Variants in DLGAP2 observed in about 807,000 individuals in gnomAD.
DLGAP2 encodes the protein disks large-associated protein 2.
DLGAP2 carries 26 observed loss-of-function variants against 100.3 expected under a neutral mutation model. The observed-to-expected ratio is 0.26, with a 90% CI of 0.19 to 0.36. The LOEUF (loss-of-function observed/expected upper bound fraction) is 0.36, where lower values mean the gene tolerates loss of function less well. DLGAP2 is among the 10% of genes least tolerant of loss of function. The pLI is 1.00. For missense variants in DLGAP2, 1,858 were observed against 1,453.2 expected (o/e 1.28, Z -4.53); for synonymous variants, 886 against 630.1 (o/e 1.41, Z -6.08).
At chr8:1,131,857 C>T (rs556475133) in intron 2 of DLGAP2, among the ~76,000 whole-genome samples, 9 of 152,240 alleles carry the variant, frequency 5.9e-5, no homozygotes, top group East Asian at 1.9e-4. Flanking sequence ...GAAATGGTCC[C>T]GTTTTTCAAT....
intron 10 of DLGAP2, among the ~76,000 whole-genome samples, chr8:1,675,037 C>T (rs1020124674): frequency 1.3e-5 from 2 of 152,218 alleles, no homozygotes; most frequent in African/African-American, 4.8e-5. Context: ...GATCTTCACT[C>T]AAGAATGTTC....
chr8:1,656,515 C>T (rs1245037657), intron 8 of DLGAP2, among the ~76,000 whole-genome samples: 1 of 152,194 alleles, frequency 6.6e-6, no homozygotes, highest in Non-Finnish European at 1.5e-5. Context: ...CCCCTTCTGA[C>T]AGTCCTTTTG....
intron 3 of DLGAP2, among the ~76,000 whole-genome samples, chr8:1,316,214 G>T (rs1435777940): frequency 8.1e-6 from 1 of 123,188 alleles, no homozygotes; most frequent in African/African-American, 3.0e-5. Flanking sequence ...CGAGTGCAGC[G>T]TCTCTCCAAC....
intron 4 of DLGAP2, among the ~76,000 whole-genome samples, chr8:1,532,913 C>T (rs763272085): frequency 2.3e-4 from 35 of 152,166 alleles, no homozygotes; most frequent in Non-Finnish European, 3.8e-4. Context: ...GGCTGCCTTT[C>T]CACCTGCCGA....
Position 1,633,811 on chromosome 8 carries a change from C to G in DLGAP2, c.1810+765C>G, listed in dbSNP as rs376209677. On this transcript the variant is annotated intron_variant, in intron 8 of 14. Transcript: ENST00000637795. ...TCTGAATACCAGAGGGCTTGGAATG[C>G]TGCAGCTGTATCTTAGAAATTTAAA... 3.3e-4 allele frequency among the ~76,000 whole-genome samples: 51 copies of G among 152,300 alleles called. 1 individual carries two copies. The South Asian group carries it at 0.011, about 32-fold the overall frequency.
chr8:1,425,740 C>T (rs144571135), intron 3 of DLGAP2, among the ~76,000 whole-genome samples: 108 of 152,180 alleles, frequency 7.1e-4, no homozygotes, highest in Middle Eastern at 6.8e-3. Context: ...AAGATAAGGA[C>T]GTCTGTGCAC....
At chr8:926,825 C>T (rs1014186398) in intron 2 of DLGAP2, among the ~76,000 whole-genome samples, 15 of 152,256 alleles carry the variant, frequency 9.9e-5, no homozygotes, top group Admixed American at 4.6e-4. Flanking sequence ...TGCCCTCCTC[C>T]GGCAAGGACG....
chr8:1,179,006 G>A (rs1412758391), intron 2 of DLGAP2, among the ~76,000 whole-genome samples: 1 of 152,118 alleles, frequency 6.6e-6, no homozygotes, highest in East Asian at 1.9e-4. Context: ...GATTAATTTC[G>A]AGCCCCTGCT....
Position 1,066,273 on chromosome 8 carries a change from G to A in DLGAP2, c.73+158307G>A, listed in dbSNP as rs1295150935. Among the ~76,000 whole-genome samples, 4 of 151,102 alleles carry A rather than the reference G, an allele frequency of 2.6e-5. No homozygotes were observed. The East Asian group carries it at 7.8e-4, about 30-fold the overall frequency. The stretch of plus-strand genomic sequence containing the variant: ...CCACGGTCAGGTCTGAGCGAGGACA[G>A]CTCCCCACCACGGTCAGGTCTGAGC... On this transcript the variant is annotated intron_variant, in intron 2 of 14. Coordinates refer to ENST00000637795, the MANE Select transcript of DLGAP2 (RefSeq NM_001346810.2).
chr8:1,102,893 C>T (rs1231551981), intron 2 of DLGAP2, among the ~76,000 whole-genome samples: 1 of 151,320 alleles, frequency 6.6e-6, no homozygotes, highest in Non-Finnish European at 1.5e-5. Context: ...TTTCTGGGGT[C>T]TTCATGAGTT....
chr8:1,368,139 GTGTA>G (rs1284680065), intron 3 of DLGAP2, among the ~76,000 whole-genome samples: 16 of 152,312 alleles, frequency 1.1e-4, no homozygotes, highest in African/African-American at 2.4e-4. Flanking sequence ...GTGTATGCAT[GTGTA>G]TGTATTTGTA....
At chr8:1,199,530 C>A (rs1322533099) in intron 2 of DLGAP2, among the ~76,000 whole-genome samples, 1 of 152,184 alleles carries the variant, frequency 6.6e-6, no homozygotes, top group African/African-American at 2.4e-5. Flanking sequence ...CACAGCACAG[C>A]TACCTCTTCT....
chr8:941,334 A>T (rs1315415305), intron 2 of DLGAP2, among the ~76,000 whole-genome samples: 1 of 152,062 alleles, frequency 6.6e-6, no homozygotes, highest in Admixed American at 6.5e-5. Flanking sequence ...GGCAGCGGCA[A>T]GGTGAGATGT....
intron 5 of DLGAP2, among the ~76,000 whole-genome samples, chr8:1,555,579 G>C (rs146184174): frequency 2.1e-4 from 32 of 152,300 alleles, no homozygotes; most frequent in African/African-American, 7.5e-4. Flanking sequence ...GTGTAATCAG[G>C]GACCGTCTGC....
intron 3 of DLGAP2, among the ~76,000 whole-genome samples, chr8:1,446,576 C>T (rs959043916): frequency 2.6e-5 from 4 of 152,072 alleles, no homozygotes; most frequent in Admixed American, 1.3e-4. Context: ...GCGATGCGGG[C>T]TCTTTTTTGG....
Position 1,548,734 on chromosome 8 carries a change from G to T in DLGAP2, c.281G>T (p.Cys94Phe), listed in dbSNP as rs1443075521. Residue 94 changes from cysteine (C) to phenylalanine (F), a missense_variant, in exon 5 of 15, where the codon TGT (cysteine) becomes TTT (phenylalanine). By Grantham distance (205) the Cys-to-Phe change is radical (BLOSUM62 -2). Coordinates refer to ENST00000637795, the MANE Select transcript of DLGAP2 (RefSeq NM_001346810.2). ...GGAAGTCGGACCCAGCCGCCGCTGT[G>T]TTCCGGGCACACGTGTGGTCTGGCG... ...LSGSRTQPPL[C>F]SGHTCGLAPP... 1 of 1,607,154 alleles carries T rather than the reference G, an allele frequency of 6.2e-7. No homozygotes were observed. Among genetic ancestry groups the T allele is most frequent in the Non-Finnish European group, 8.5e-7 (1 of 1,178,250 alleles).
At chr8:1,064,026 A>T (rs1311079532) in intron 2 of DLGAP2, among the ~76,000 whole-genome samples, 1 of 152,132 alleles carries the variant, frequency 6.6e-6, no homozygotes, top group Non-Finnish European at 1.5e-5. Flanking sequence ...CCAGAAGAGC[A>T]GTTAGGAGAT....
intron 3 of DLGAP2, among the ~76,000 whole-genome samples, chr8:1,378,794 T>G (rs1378961576): frequency 3.9e-5 from 6 of 152,374 alleles, no homozygotes; most frequent in African/African-American, 1.4e-4. Context: ...TTCTGGCGTT[T>G]CCTTCATTTC....
intron 3 of DLGAP2, among the ~76,000 whole-genome samples, chr8:1,360,535 C>G (rs952547353): frequency 6.6e-6 from 1 of 152,118 alleles, no homozygotes; most frequent in Non-Finnish European, 1.5e-5. Flanking sequence ...AGGGGCAGCA[C>G]GGGACCACGG....
Sources: allele counts gnomAD v4.1 joint callset (sites outside exome capture counted in the v4.1 genomes callset), GRCh38; gene constraint gnomAD v4.1.1; transcripts MANE v1.5; gene names NCBI Gene and HGNC (gene_info 2026-07-23, HGNC 2026-07-21).